The following USP40 variants were observed in gnomAD, a reference collection of about 807,000 sequenced individuals.
USP40 encodes ubiquitin carboxyl-terminal hydrolase 40.
A neutral mutation model predicts 166.2 loss-of-function variants in USP40; 143 were observed. That is an observed-to-expected ratio of 0.86 (90% confidence interval 0.75 to 0.99). The LOEUF (loss-of-function observed/expected upper bound fraction) is 0.99. Ranked by LOEUF, USP40 falls within the 50% of genes least tolerant of loss-of-function variation. The probability of loss-of-function intolerance (pLI) is 0.00; values close to 1 mark genes in which losing one functional copy is unlikely to be tolerated. For missense variants in USP40, 1,444 were observed against 1,479.7 expected, an observed-to-expected ratio of 0.98 and a Z score of 0.40; for synonymous variants, 498 against 524.0, an observed-to-expected ratio of 0.95 and a Z score of 0.68.
intron 14 of USP40, 94 bp downstream of exon 14, chr2:233,525,384 G>T: frequency 2.5e-6 from 2 of 812,092 alleles, no homozygotes; most frequent in South Asian, 1.8e-5. Context: ...AGTAGTAGGT[G>T]GGGAAGGACT....
chr2:233,499,740 T>C, intron 22 of USP40, 139 bp downstream of exon 22: 1 of 628,034 alleles, frequency 1.6e-6, no homozygotes, highest in South Asian at 2.3e-5. Context: ...GAATTCATTA[T>C]GTACATATGG....
chr2:233,544,200 T>C (rs539145017), intron 8 of USP40, among the ~76,000 whole-genome samples: 13 of 152,248 alleles, frequency 8.5e-5, no homozygotes, highest in African/African-American at 2.9e-4. Flanking sequence ...GAACTTATAC[T>C]ACACTTTATT....
chr2:233,545,041 G>A (rs149772094), intron 8 of USP40, among the ~76,000 whole-genome samples: 216 of 152,124 alleles, frequency 1.4e-3, no homozygotes, highest in Middle Eastern at 6.8e-3. Context: ...AATTACTCCC[G>A]TAAATCAAGT....
Position 233,511,740 on chromosome 2 carries a change from A to T in USP40, c.2495T>A (p.Leu832Gln). The T allele has an allele frequency of 6.2e-7, 1 of 1,612,226 alleles. No homozygotes were observed. Among genetic ancestry groups the T allele is most frequent in the Non-Finnish European group, 8.5e-7 (1 of 1,179,254 alleles). The change falls in exon 20 of 32, where the codon CTG becomes CAG. Residue 832 changes from leucine to glutamine, a missense_variant. Transcript: ENST00000678225. ...CGAACTTGGTGCTTTTCCAAGACAC[A>T]GTCCCAATGAACTTCCCATCTTCAA... ...AELKMGSSLG[L>Q]CLGKAPSSSQ...
At position 233,510,012 on chromosome 2, in the gene USP40, C is replaced by T. The variant is rs747988834; in HGVS notation, c.2613+37G>A. 4 of 1,490,344 alleles carry T rather than the reference C, an allele frequency of 2.7e-6. No individual in the cohort carries two copies. In the Admixed American group the frequency reaches 5.8e-5, roughly 22 times the overall value. The allele number at this position is 1,490,344 out of a possible 1,614,324, so 92.3% of individuals were successfully genotyped here. ...GTTCCTCACAGCAAACATACAAACA[C>T]ACACAGCCTCTGAAAACAAAAGGTA... On this transcript the variant is annotated intron_variant, in intron 21 of 31. Transcript: ENST00000678225.
At chr2:233,564,195 A>G (rs965623635) in intron 2 of USP40, among the ~76,000 whole-genome samples, 16 of 152,208 alleles carry the variant, frequency 1.1e-4, no homozygotes, top group African/African-American at 3.9e-4. Context: ...CTCTGGAGGC[A>G]GCAAGTCTTT....
chr2:233,497,611 T>A (rs1053911203), intron 23 of USP40, among the ~76,000 whole-genome samples: 1 of 152,220 alleles, frequency 6.6e-6, no homozygotes, highest in African/African-American at 2.4e-5. Context: ...AGAAGCCAGT[T>A]CCAAGGGTAA....
chr2:233,550,596 T>C (rs1390372013), intron 7 of USP40, among the ~76,000 whole-genome samples: 2 of 152,040 alleles, frequency 1.3e-5, no homozygotes, highest in African/African-American at 4.8e-5. Flanking sequence ...AAAAGATTAC[T>C]TTTTTTACAC....
Position 233,476,961 on chromosome 2 carries a change from G to A in USP40, c.*431C>T. 1 of 298,512 alleles carries A rather than the reference G, an allele frequency of 3.3e-6. No individual in the cohort carries two copies. Among genetic ancestry groups the A allele is most frequent in the African/African-American group, 2.2e-5 (1 of 45,236 alleles). 18.5% of individuals were successfully genotyped at this position (298,512 alleles called of 1,614,324 possible). ...GGCGCAGTGGCCTGAGACACTGTGA[G>A]AAGCCGGTCAGGGCGAACGAGAGTC... On this transcript the variant is annotated 3_prime_UTR_variant, in exon 32 of 32. Coordinates refer to ENST00000678225, the MANE Select transcript of USP40 (RefSeq NM_001365479.2).
chr2:233,487,707 T>A, intron 28 of USP40: 2 of 224,468 alleles, frequency 8.9e-6, no homozygotes, highest in South Asian at 1.2e-4. Flanking sequence ...TTTGGGTGTA[T>A]CTTTATTTAA....
At chr2:233,487,631 AC>A (rs2125051049) in intron 28 of USP40, 1 of 201,990 alleles carries the variant, frequency 5.0e-6, no homozygotes, top group African/African-American at 2.4e-5. Flanking sequence ...CATGATATTT[AC>A]AAAAGGACTT....
chr2:233,482,503 G>C (rs1472420156), intron 30 of USP40, among the ~76,000 whole-genome samples: 1 of 151,912 alleles, frequency 6.6e-6, no homozygotes, highest in African/African-American at 2.4e-5. Flanking sequence ...CTCCTTGGTT[G>C]TATCGACGGG....
At position 233,496,786 on chromosome 2, in the gene USP40, A is replaced by G; in HGVS notation, c.2762T>C (p.Leu921Pro). ...ELLICSGDTL[L>P]LIEGQLPPLG... is the part of the protein sequence containing the mutation. ...AGGAGGAAGTTGTCCTTCAATTAAAAGCAAAGTATCTCCAGAACATATCAG... is the reference window on the plus strand; with the variant it reads ...AGGAGGAAGTTGTCCTTCAATTAAAGGCAAAGTATCTCCAGAACATATCAG... Residue 921 changes from leucine to proline, a missense_variant, in exon 24 of 32, where the codon CTT becomes CCT. Transcript: ENST00000678225. 6.2e-7 allele frequency: 1 copy of G among 1,612,808 alleles called. No homozygotes were observed. The highest frequency in any genetic ancestry group is 1.7e-5 in the Admixed American group (1 of 59,974).
intron 11 of USP40, among the ~76,000 whole-genome samples, chr2:233,531,407 G>A (rs11675858): frequency 0.099 from 15,107 of 152,174 alleles, 771 homozygotes; most frequent in South Asian, 0.14. Context: ...AGTACACCTA[G>A]ATTTTTTGTT....
At chr2:233,521,936 T>C (rs1212662845) in intron 16 of USP40, among the ~76,000 whole-genome samples, 1 of 152,224 alleles carries the variant, frequency 6.6e-6, no homozygotes, top group African/African-American at 2.4e-5. Context: ...TTGTAAGCAC[T>C]CAACTCTTTC....
Position 233,525,491 on chromosome 2 carries a change from G to A in USP40, c.1797C>T (p.Tyr599=). ...AKLVPAGLHI[Y]QSLGGDELTL... is the part of the protein sequence containing the mutation. ...TATTTATCTTACCGCCAAGTGACTG[G>A]TAAATGTGAAGTCCTGCTGGTACAA... The change falls in exon 14 of 32, where the codon TAC becomes TAT. Residue 599 remains tyrosine, a synonymous_variant. Transcript: ENST00000678225. The A allele has an allele frequency of 6.2e-7, 1 of 1,612,604 alleles. No homozygotes were observed. The highest frequency in any genetic ancestry group is 1.1e-5 in the South Asian group (1 of 90,802).
intron 20 of USP40, among the ~76,000 whole-genome samples, chr2:233,510,713 T>G (rs2066766290): frequency 6.6e-6 from 1 of 152,054 alleles, no homozygotes; most frequent in African/African-American, 2.4e-5. Flanking sequence ...CAACATACAC[T>G]ATTTCTTCTA....
intron 8 of USP40, among the ~76,000 whole-genome samples, chr2:233,547,934 G>A (rs2070140394): frequency 6.6e-6 from 1 of 152,096 alleles, no homozygotes; most frequent in Non-Finnish European, 1.5e-5. Context: ...AAGAATGACA[G>A]CATGTAGGGA....
Position 233,565,621 on chromosome 2 carries a change from C to T in USP40, c.-19-48G>A, listed in dbSNP as rs1325417854. ...TGCTTTTATTTTTAAAATAAATTTT[C>T]CCCAAATCCCCCTACCTTACACTTG... On this transcript the variant is annotated intron_variant, in intron 1 of 31. Transcript: ENST00000678225. The T allele has an allele frequency of 2.8e-6, 4 of 1,440,680 alleles. No homozygotes were observed. In the East Asian group the frequency reaches 7.4e-5, roughly 27 times the overall value. 89.2% of individuals were successfully genotyped at this position (1,440,680 alleles called of 1,614,324 possible).
Sources: allele counts gnomAD v4.1 joint callset (sites outside exome capture counted in the v4.1 genomes callset), GRCh38; gene constraint gnomAD v4.1.1; transcripts MANE v1.5; gene names NCBI Gene and HGNC (gene_info 2026-07-23, HGNC 2026-07-21).